NIPAL1: variants seen among roughly 807,000 people sequenced by gnomAD.
NIPAL1 encodes NIPA like domain containing 1, also known as magnesium transporter NIPA3.
A neutral mutation model predicts 37.7 loss-of-function variants in NIPAL1; 35 were observed. The ratio of observed to expected loss-of-function variants is 0.93; its 90% CI spans 0.71 to 1.23. The LOEUF (loss-of-function observed/expected upper bound fraction) is 1.23. Among genes scored for constraint, NIPAL1 ranks in the 50% most tolerant of loss-of-function variants. NIPAL1 has a pLI of 0.00. For synonymous variants in NIPAL1, 162 were observed against 183.0 expected, an observed-to-expected ratio of 0.89 and a Z score of 0.93; for missense variants, 412 against 473.9, an observed-to-expected ratio of 0.87 and a Z score of 1.21.
chr4:48,020,609 G>A (rs1476893186), intron 1 of NIPAL1, among the ~76,000 whole-genome samples: 1 of 152,206 alleles, frequency 6.6e-6, no homozygotes, highest in East Asian at 1.9e-4. Context: ...TGCAGAGGCT[G>A]AAGGGACAGC....
chr4:48,030,858 C>T (rs1254700597), intron 3 of NIPAL1, among the ~76,000 whole-genome samples: 1 of 152,240 alleles, frequency 6.6e-6, no homozygotes, highest in Non-Finnish European at 1.5e-5. Flanking sequence ...TAAATTCCCT[C>T]TGTAGCCAGG....
chr4:48,030,556 A>C (rs1715798599), intron 3 of NIPAL1, among the ~76,000 whole-genome samples: 1 of 152,236 alleles, frequency 6.6e-6, no homozygotes, highest in Non-Finnish European at 1.5e-5. Flanking sequence ...TTCTCAAGAA[A>C]GAGTACAGTT....
At chr4:48,028,123 G>A (rs1414205780) in intron 2 of NIPAL1, among the ~76,000 whole-genome samples, 2 of 152,034 alleles carry the variant, frequency 1.3e-5, no homozygotes, top group East Asian at 1.9e-4. Flanking sequence ...AAAGTTTTAA[G>A]CAATCCTAAG....
chr4:48,030,226 A>G, intron 3 of NIPAL1, 50 bp downstream of exon 3: 1 of 1,116,342 alleles, frequency 9.0e-7, no homozygotes, highest in South Asian at 1.3e-5. Flanking sequence ...TAGTAAATAG[A>G]TTACATGAAA....
intron 2 of NIPAL1, among the ~76,000 whole-genome samples, chr4:48,026,750 G>C (rs1577624380): frequency 6.8e-6 from 1 of 147,108 alleles, no homozygotes; most frequent in Admixed American, 6.8e-5. Flanking sequence ...ACGGGGCTTT[G>C]CCCTGTCGGC....
Position 48,027,349 on chromosome 4 carries a change from AG to A in NIPAL1, c.313+2016del, listed in dbSNP as rs1339527797. Among the ~76,000 whole-genome samples, 4 of 152,226 alleles carry A rather than the reference AG, an allele frequency of 2.6e-5. No individual in the cohort carries two copies. The highest frequency in any genetic ancestry group is 5.9e-5 in the Non-Finnish European group (4 of 68,026). ...ATACGTAAGTAAATATTGTTTCACT[AG>A]TACCCAAAGAGATACCAACTAGACA... On this transcript the variant is annotated intron_variant, in intron 2 of 5. Transcript: ENST00000295461. This position sits in a 1 kb window ranked among gnomAD's most constrained non-coding sequence, Gnocchi z 4.1.
chr4:48,020,756 C>A (rs1349548879), intron 1 of NIPAL1, among the ~76,000 whole-genome samples: 2 of 152,148 alleles, frequency 1.3e-5, no homozygotes, highest in African/African-American at 2.4e-5. Flanking sequence ...GGTGAAGCAC[C>A]TTTGCCCACA....
intron 1 of NIPAL1, among the ~76,000 whole-genome samples, chr4:48,022,637 A>G (rs946383422): frequency 1.3e-5 from 2 of 152,252 alleles, no homozygotes; most frequent in African/African-American, 4.8e-5. Context: ...ATTCACTGGT[A>G]AGTCAGGTCC....
rs1715990045 is a variant in NIPAL1, at chr4:48,037,856, A to G, written c.*1684A>G. On this transcript the variant is annotated 3_prime_UTR_variant, in exon 6 of 6. Transcript: ENST00000295461. ...ACTGTCACTTATTGATTTTATGGAAAATAAATTGGCTATCTTATTTTTATA... is the reference window on the plus strand; with the variant it reads ...ACTGTCACTTATTGATTTTATGGAAGATAAATTGGCTATCTTATTTTTATA... 3 of 152,158 alleles carry G rather than the reference A, an allele frequency of 2.0e-5. No homozygotes were observed. 9.4% of individuals were successfully genotyped at this position (152,158 alleles called of 1,614,324 possible). A position where few individuals can be genotyped will look rare whatever the true frequency, so the allele number is the denominator to read the frequency against.
Position 48,037,149 on chromosome 4 carries a change from G to A in NIPAL1, c.*977G>A, listed in dbSNP as rs1715971499. 3.3e-6 allele frequency: 1 copy of A among 306,800 alleles called. No homozygotes were observed. The highest frequency in any genetic ancestry group is 6.4e-6 in the Non-Finnish European group (1 of 156,048). The allele number at this position is 306,800 out of a possible 1,614,324, so 19.0% of individuals were successfully genotyped here. On this transcript the variant is annotated 3_prime_UTR_variant, in exon 6 of 6. Transcript: ENST00000295461. ...CCCACCCATGAAGAGTTTATGAATT[G>A]TAACTTATTGACATTATCATAGGAA...
intron 3 of NIPAL1, among the ~76,000 whole-genome samples, chr4:48,031,209 C>T (rs1193097791): frequency 3.3e-5 from 5 of 152,016 alleles, no homozygotes; most frequent in Non-Finnish European, 7.4e-5. Context: ...GGATTACAGG[C>T]ACACACCACC....
At chr4:48,023,535 C>A (rs763825275) in intron 1 of NIPAL1, among the ~76,000 whole-genome samples, 7 of 151,904 alleles carry the variant, frequency 4.6e-5, no homozygotes, top group Admixed American at 4.6e-4. Flanking sequence ...TTTCCTTTAC[C>A]CTCTTTTGTT....
At chr4:48,026,124 C>G (rs2109367890) in intron 2 of NIPAL1, among the ~76,000 whole-genome samples, 1 of 152,190 alleles carries the variant, frequency 6.6e-6, no homozygotes, top group African/African-American at 2.4e-5. Flanking sequence ...TTTATTGTTG[C>G]TGACAGGTTT....
intron 1 of NIPAL1, among the ~76,000 whole-genome samples, chr4:48,024,190 G>A (rs1030017355): frequency 6.6e-6 from 1 of 152,140 alleles, no homozygotes. Flanking sequence ...TGTTGGCCAG[G>A]CTGGTCTCGA....
At chr4:48,035,242 A>G (rs957053710) in intron 5 of NIPAL1, among the ~76,000 whole-genome samples, 2 of 152,242 alleles carry the variant, frequency 1.3e-5, no homozygotes, top group African/African-American at 4.8e-5. Flanking sequence ...CTGTTACACA[A>G]TGAAAGGGAG....
At chr4:48,032,774 T>A (rs979918950) in intron 3 of NIPAL1, among the ~76,000 whole-genome samples, 2 of 152,216 alleles carry the variant, frequency 1.3e-5, no homozygotes, top group African/African-American at 4.8e-5. Context: ...CTGTCACCAT[T>A]TTTTGCATCT....
At position 48,039,238 on chromosome 4, in the gene NIPAL1, C is replaced by G. The variant is rs1039227852; in HGVS notation, c.*3066C>G. 1 of 151,582 alleles carries G rather than the reference C, an allele frequency of 6.6e-6. No homozygotes were observed. Among genetic ancestry groups the G allele is most frequent in the Admixed American group, 6.6e-5 (1 of 15,200 alleles). The allele number at this position is 151,582 out of a possible 1,614,324, so 9.4% of individuals were successfully genotyped here. On this transcript the variant is annotated 3_prime_UTR_variant, in exon 6 of 6. Coordinates refer to ENST00000295461, the MANE Select transcript of NIPAL1 (RefSeq NM_207330.3). ...CGGGTGCCTATAATCCCAACTACCC[C>G]GGAGGCTGAGGCAGGGAATTGCTTG...
Position 48,036,151 on chromosome 4 carries a change from G to A in NIPAL1, c.1212G>A (p.Leu404=), listed in dbSNP as rs976428893. 3.7e-6 allele frequency: 6 copies of A among 1,604,850 alleles called. No homozygotes were observed. Among genetic ancestry groups the A allele is most frequent in the African/African-American group, 1.4e-5 (1 of 74,060 alleles). The part of the protein sequence containing the change: ...SAPGYNDDVT[L]FSRTDD ...CAGGATACAATGATGACGTTACCTT[G>A]TTTAGTAGAACTGATGACTGAAGTC... Residue 404 remains leucine, a synonymous_variant, in exon 6 of 6, where the codon TTG becomes TTA. Transcript: ENST00000295461.
At chr4:48,025,386 G>A in intron 2 of NIPAL1, 52 bp downstream of exon 2, 1 of 1,538,572 alleles carries the variant, frequency 6.5e-7, no homozygotes, top group South Asian at 1.2e-5. Context: ...CAGAAATGAT[G>A]TGAGGCCACA....
Sources: allele counts gnomAD v4.1 joint callset (sites outside exome capture counted in the v4.1 genomes callset), GRCh38; gene constraint gnomAD v4.1.1; non-coding constraint Gnocchi (gnomAD v3.1); transcripts MANE v1.5; gene names NCBI Gene and HGNC (gene_info 2026-07-23, HGNC 2026-07-21).